MYO6: variants seen among roughly 807,000 people sequenced by gnomAD.
The protein encoded by MYO6 is myosin VI.
Under a neutral mutation model 178.7 loss-of-function variants are expected in MYO6, and 74 were observed. That is an observed-to-expected ratio of 0.41 (90% CI 0.34 to 0.50). The LOEUF (loss-of-function observed/expected upper bound fraction) is 0.50. MYO6 is among the 20% of genes least tolerant of loss of function. The pLI is 0.09. For missense variants in MYO6, 1,330 were observed against 1,547.4 expected (o/e 0.86, Z 2.36); for synonymous variants, 477 against 504.6 (o/e 0.95, Z 0.73).
rs1771770960 is a variant in MYO6, at chr6:75,820,612, C to G, written c.118-2170C>G. Among the ~76,000 whole-genome samples the G allele has an allele frequency of 3.3e-5, 5 of 152,248 alleles. No individual in the cohort carries two copies. The South Asian group carries it at 1.0e-3, about 32-fold the overall frequency. ...TCTCAAACTCCTGACCTCAGGTGAT[C>G]CACCTGCCTGGGGCTCCCAAAGTAC... is the stretch of plus-strand genomic sequence containing the variant. On this transcript the variant is annotated intron_variant, in intron 2 of 34. Coordinates refer to ENST00000369977, the MANE Select transcript of MYO6 (RefSeq NM_004999.4).
At chr6:75,881,644 T>C in intron 22 of MYO6, 45 bp from the exon 23 acceptor site, 1 of 1,577,258 alleles carries the variant, frequency 6.3e-7, no homozygotes, top group Non-Finnish European at 8.7e-7. Context: ...TGTGTTCAAA[T>C]GCATTTATAT....
chr6:75,810,505 A>G (rs990979453), intron 1 of MYO6, among the ~76,000 whole-genome samples: 4 of 152,132 alleles, frequency 2.6e-5, no homozygotes, highest in Admixed American at 6.6e-5. Flanking sequence ...CTAAATTCCA[A>G]AAGGGAGGGG....
chr6:75,818,817 T>A (rs777902502), intron 2 of MYO6, among the ~76,000 whole-genome samples: 6 of 152,164 alleles, frequency 3.9e-5, no homozygotes, highest in Non-Finnish European at 7.4e-5. Context: ...TGTTTCTGGT[T>A]TTTCCTCTTA....
chr6:75,916,523 A>G lies in MYO6; in HGVS notation c.*1511A>G, dbSNP rs139511928. Reference sequence around the variant, plus strand: ...TATCTTTTGAAGGCTGTATTACTGCATAGCTTCACCCACCCTCGGGTCATT... The same window carrying G: ...TATCTTTTGAAGGCTGTATTACTGCGTAGCTTCACCCACCCTCGGGTCATT... On this transcript the variant is annotated 3_prime_UTR_variant, in exon 35 of 35. Coordinates refer to ENST00000369977, the MANE Select transcript of MYO6 (RefSeq NM_004999.4). The G allele has an allele frequency of 1.5e-4, 23 of 152,754 alleles. No homozygotes were observed. The highest frequency in any genetic ancestry group is 5.5e-4 in the African/African-American group (23 of 41,580). 9.5% of individuals were successfully genotyped at this position (152,754 alleles called of 1,614,324 possible).
chr6:75,801,815 C>T (rs1769487203), intron 1 of MYO6, among the ~76,000 whole-genome samples: 1 of 151,942 alleles, frequency 6.6e-6, no homozygotes, highest in Non-Finnish European at 1.5e-5. Context: ...GTGGCAGGCG[C>T]CTGTAATCCC....
Position 75,881,744 on chromosome 6 carries a change from T to G in MYO6, c.2342T>G (p.Val781Gly). 6.2e-7 allele frequency: 1 copy of G among 1,614,034 alleles called. No homozygotes were observed. The highest frequency in any genetic ancestry group is 1.3e-5 in the African/African-American group (1 of 75,064). Residue 781 changes from valine (V) to glycine (G), a missense_variant, in exon 23 of 35, where the codon GTT (valine) becomes GGT (glycine). Physicochemically the swap from Val to Gly is moderately radical, Grantham distance 109 (BLOSUM62 -3). This residue lies in a region of MYO6 where 601 missense variants were observed against 626.1 expected (regional missense o/e 0.96). Transcript: ENST00000369977. ...KSDPDHLAEL[V>G]KRVNHWLTCS... Reference sequence around the variant, plus strand: ...GACCCTGACCACTTAGCAGAGTTGGTTAAAAGAGTCAATCACTGGCTCACA... The same window carrying G: ...GACCCTGACCACTTAGCAGAGTTGGGTAAAAGAGTCAATCACTGGCTCACA...
In MYO6 at chr6:75,855,276, G is replaced by A. The variant is rs377562418; in HGVS notation, c.1216G>A (p.Val406Ile). The change falls in exon 12 of 35, where the codon GTT becomes ATT. Residue 406 changes from valine to isoleucine, a missense_variant. By Grantham distance (29) the Val-to-Ile change is conservative. Around this residue, in one of 3 missense-constraint regions of MYO6, gnomAD observed 613 missense variants for 816.8 expected, o/e 0.75. Coordinates refer to ENST00000369977, the MANE Select transcript of MYO6 (RefSeq NM_004999.4). The stretch of plus-strand genomic sequence containing the variant: ...AACAGCAGGGGGCACCAAAGGAACA[G>A]TTATAAAGTAAGTTCCTTAAGTAAT... ...LTTAGGTKGT[V>I]IKVPLKVEQA... The A allele has an allele frequency of 9.3e-6, 15 of 1,613,356 alleles. No individual in the cohort carries two copies. Among genetic ancestry groups the A allele is most frequent in the Non-Finnish European group, 1.3e-5 (15 of 1,179,540 alleles).
At chr6:75,834,072 G>A (rs1393129373) in intron 6 of MYO6, among the ~76,000 whole-genome samples, 1 of 152,134 alleles carries the variant, frequency 6.6e-6, no homozygotes, top group East Asian at 1.9e-4. Context: ...TATTTCTGTT[G>A]TTAGCATGGT....
At chr6:75,895,186 T>C (rs780779293) in intron 28 of MYO6, 45 bp from the exon 29 acceptor site, 1 of 1,480,730 alleles carries the variant, frequency 6.8e-7, no homozygotes, top group East Asian at 2.3e-5. Context: ...ATTTTCACAG[T>C]TCACAATTGG....
In MYO6 at chr6:75,907,607, G is replaced by A. The variant is rs868080982; in HGVS notation, c.3179G>A (p.Gly1060Asp). ...GCAAAAATGTGTAATAATTACAGAG[G>A]TCCTGCTGTACTAGCCACCAAAGCA... is the stretch of plus-strand genomic sequence containing the variant. The part of the protein sequence containing the change: ...AKEMSEFLSR[G>D]PAVLATKAAA... Residue 1060 changes from glycine (G) to aspartate (D), a missense_variant and splice_region_variant, in exon 31 of 35, where the codon GGT (glycine) becomes GAT (aspartate). Gly to Asp is a moderately conservative substitution (Grantham distance 94). Around this residue, in one of 3 missense-constraint regions of MYO6, gnomAD observed 601 missense variants for 626.1 expected, o/e 0.96. Transcript: ENST00000369977. 1.9e-6 allele frequency: 3 copies of A among 1,609,822 alleles called. No individual in the cohort carries two copies. Among genetic ancestry groups the A allele is most frequent in the African/African-American group, 2.7e-5 (2 of 74,772 alleles).
chr6:75,802,570 A>G (rs1769593028), intron 1 of MYO6, among the ~76,000 whole-genome samples: 1 of 150,152 alleles, frequency 6.7e-6, no homozygotes, highest in Non-Finnish European at 1.5e-5. Context: ...TAGCCTCAAC[A>G]TCCCAGGCTG....
intron 11 of MYO6, among the ~76,000 whole-genome samples, chr6:75,851,388 T>C (rs972798576): frequency 6.6e-6 from 1 of 152,200 alleles, no homozygotes; most frequent in African/African-American, 2.4e-5. Flanking sequence ...TAAGATTTTA[T>C]TATATTTGTC....
At chr6:75,847,397 A>T (rs913738795) in intron 10 of MYO6, among the ~76,000 whole-genome samples, 1 of 152,104 alleles carries the variant, frequency 6.6e-6, no homozygotes, top group African/African-American at 2.4e-5. Context: ...GTTAATCATG[A>T]TCCTGTTATT....
intron 11 of MYO6, 35 bp from the exon 12 acceptor site, chr6:75,855,104 A>G (rs1227404154): frequency 2.6e-6 from 4 of 1,519,242 alleles, no homozygotes; most frequent in Non-Finnish European, 3.6e-6. Flanking sequence ...TTTATATAAT[A>G]CTTATTAATT....
rs1201769313 is a variant in MYO6 at position 75,898,396 on chromosome 6, C to CAA, written c.3162_3163insAA (p.Glu1055LysfsTer4). 12 of 1,610,238 alleles carry CAA rather than the reference C, an allele frequency of 7.5e-6. No individual in the cohort carries two copies. The highest frequency in any genetic ancestry group is 1.0e-5 in the Non-Finnish European group (12 of 1,176,774). On this transcript the variant is annotated frameshift_variant, in exon 30 of 35. Coordinates refer to ENST00000369977, the MANE Select transcript of MYO6 (RefSeq NM_004999.4). LOFTEE classifies it high-confidence loss of function. ...AGGGAACAAATGGCCAAAGAAATGT[C>CAA]AGAATTTTTGAGTAGGTTAGTGCAG... is the stretch of plus-strand genomic sequence containing the variant.
At chr6:75,823,764 G>A (rs10943292) in intron 3 of MYO6, among the ~76,000 whole-genome samples, 57,215 of 152,090 alleles carry the variant, frequency 0.38, 11,414 homozygotes, top group East Asian at 0.54. Context: ...ATTCTATGTT[G>A]TTAGGAGGCT....
chr6:75,898,070 T>C (rs1026623941), intron 29 of MYO6, among the ~76,000 whole-genome samples: 1 of 152,208 alleles, frequency 6.6e-6, no homozygotes, highest in Non-Finnish European at 1.5e-5. Flanking sequence ...TTAGACCATG[T>C]TATTTGTATT....
At chr6:75,821,588 C>T (rs1284248013) in intron 2 of MYO6, among the ~76,000 whole-genome samples, 1 of 151,688 alleles carries the variant, frequency 6.6e-6, no homozygotes, top group Non-Finnish European at 1.5e-5. Flanking sequence ...GAGGTAGTCC[C>T]AGCAGCGTGG....
At chr6:75,866,476 T>G in intron 16 of MYO6, 50 bp from the exon 17 acceptor site, 1 of 1,375,020 alleles carries the variant, frequency 7.3e-7, no homozygotes, top group Non-Finnish European at 1.0e-6. Flanking sequence ...AGAATGATTA[T>G]GTAATATATT....
Sources: gnomAD v4.1 joint callset for allele counts (sites outside exome capture counted in the v4.1 genomes callset) on GRCh38, gnomAD v4.1.1 for gene constraint, gnomAD v4.1.1 regional missense constraint, MANE v1.5 for transcripts, NCBI Gene and HGNC (gene_info 2026-07-23, HGNC 2026-07-21) for gene names.